Variants in DHDH observed in about 807,000 individuals in gnomAD.
DHDH encodes the protein trans-1,2-dihydrobenzene-1,2-diol dehydrogenase.
In DHDH, 29 loss-of-function variants were observed where a neutral mutation model predicts 33.2. The observed-to-expected ratio is 0.87, with a 90% CI of 0.65 to 1.19. DHDH has a LOEUF of 1.19. DHDH is among the 50% of genes most tolerant of loss of function. The probability of loss-of-function intolerance (pLI) is 0.00; values close to 1 mark genes in which losing one functional copy is unlikely to be tolerated. For synonymous variants in DHDH, 201 were observed against 187.9 expected (o/e 1.07, Z -0.57); for missense variants, 431 against 455.0 (o/e 0.95, Z 0.48).
intron 1 of DHDH, among the ~76,000 whole-genome samples, 165 bp from the exon 2 acceptor site, chr19:48,934,835 C>T (rs2037748941): frequency 6.6e-6 from 1 of 152,104 alleles, no homozygotes; most frequent in Non-Finnish European, 1.5e-5. Flanking sequence ...TAACGGCTTT[C>T]CCCCAGATCT....
At chr19:48,936,876 C>T (rs2037785308) in intron 3 of DHDH, among the ~76,000 whole-genome samples, 1 of 151,420 alleles carries the variant, frequency 6.6e-6, no homozygotes, top group African/African-American at 2.4e-5. Flanking sequence ...CTCCACCTCC[C>T]AGGTTAAAGC....
At chr19:48,936,692 T>G (rs974468783) in intron 3 of DHDH, among the ~76,000 whole-genome samples, 21 of 140,022 alleles carry the variant, frequency 1.5e-4, no homozygotes, top group African/African-American at 5.2e-4. Flanking sequence ...TGAGACTCCG[T>G]CTCAAACAAG....
intron 4 of DHDH, among the ~76,000 whole-genome samples, chr19:48,940,214 G>A (rs933837327): frequency 6.6e-6 from 1 of 151,898 alleles, no homozygotes; most frequent in Non-Finnish European, 1.5e-5. Flanking sequence ...AATTAGCTAG[G>A]CATTGCGGCA....
intron 2 of DHDH, 68 bp from the exon 3 acceptor site, chr19:48,935,964 A>G: frequency 1.1e-5 from 17 of 1,544,946 alleles, no homozygotes; most frequent in South Asian, 3.6e-5. Flanking sequence ...GGGGCCTCGA[A>G]GTTGTGGGCG....
intron 3 of DHDH, among the ~76,000 whole-genome samples, chr19:48,937,935 C>T (rs1270117405): frequency 1.3e-5 from 2 of 152,028 alleles, no homozygotes; most frequent in African/African-American, 4.8e-5. Flanking sequence ...GCTTCCGTCT[C>T]CCCTGGAATG....
chr19:48,944,252 C>T (rs2037907584), intron 5 of DHDH, 105 bp from the exon 6 acceptor site: 16 of 1,490,390 alleles, frequency 1.1e-5, no homozygotes, highest in Non-Finnish European at 2.8e-6. Context: ...TCTTAGCCAC[C>T]AGGTTCAAGA....
intron 4 of DHDH, among the ~76,000 whole-genome samples, chr19:48,940,015 T>A (rs2037835461): frequency 6.6e-6 from 1 of 152,118 alleles, no homozygotes; most frequent in African/African-American, 2.4e-5. Flanking sequence ...AAATATAAAA[T>A]TATTATTTTT....
Position 48,935,037 on chromosome 19 carries a change from A to G in DHDH, c.128A>G (p.Lys43Arg). ...GCGGCCCGCGATCTGAGCCGTGCGA[A>G]GGAGTTTGCACAGAAACACGACATC... ...AVAARDLSRA[K>R]EFAQKHDIPK... Residue 43 changes from lysine (K) to arginine (R), a missense_variant, in exon 2 of 7, where the codon AAG (lysine) becomes AGG (arginine). Lys to Arg is a conservative substitution (Grantham distance 26). Transcript: ENST00000221403. The G allele has an allele frequency of 6.3e-7, 1 of 1,589,504 alleles. No individual in the cohort carries two copies. The highest frequency in any genetic ancestry group is 8.5e-7 in the Non-Finnish European group (1 of 1,169,956).
In DHDH at chr19:48,935,092, G is replaced by A; in HGVS notation, c.183G>A (p.Leu61=). ...AGGCCTACGGCTCCTATGAGGAGCT[G>A]GCCAAGGACCCGAGCGTGGGTGAGT... The part of the protein sequence containing the change: ...IPKAYGSYEE[L]AKDPSVEVAY... The change falls in exon 2 of 7, where the codon CTG becomes CTA. Residue 61 remains leucine (L), a synonymous_variant. Transcript: ENST00000221403. 6.3e-7 allele frequency: 1 copy of A among 1,582,144 alleles called. No individual in the cohort carries two copies.
intron 3 of DHDH, among the ~76,000 whole-genome samples, chr19:48,938,008 G>A (rs948503673): frequency 6.6e-6 from 1 of 152,098 alleles, no homozygotes; most frequent in East Asian, 1.9e-4. Flanking sequence ...TTTTATTTGT[G>A]TCCTTGGTAT....
Position 48,934,981 on chromosome 19 carries a change from G to A in DHDH, c.91-19G>A. 1 of 1,523,844 alleles carries A rather than the reference G, an allele frequency of 6.6e-7. No individual in the cohort carries two copies. The highest frequency in any genetic ancestry group is 8.8e-7 in the Non-Finnish European group (1 of 1,135,814). 94.4% of individuals were successfully genotyped at this position (1,523,844 alleles called of 1,614,324 possible). A position where few individuals can be genotyped will look rare whatever the true frequency, so the allele number is the denominator to read the frequency against. On this transcript the variant is annotated intron_variant, in intron 1 of 6. Transcript: ENST00000221403. Reference sequence around the variant, plus strand: ...ACGCCTGCCTCAGCCCCTCAAATCCGATTCTTGTGCCCCTCCAGGTGGTGG... The same window carrying A: ...ACGCCTGCCTCAGCCCCTCAAATCCAATTCTTGTGCCCCTCCAGGTGGTGG...
In DHDH at chr19:48,938,704, G is replaced by A. The variant is rs576045287; in HGVS notation, c.367-745G>A. Among the ~76,000 whole-genome samples the A allele has an allele frequency of 4.5e-4, 68 of 150,950 alleles. No individual in the cohort carries two copies. In the South Asian group the frequency reaches 0.014, roughly 30 times the overall value. ...CTGTCGCCCAGGCTGGAGTGCAACGGTGCGATCTTCAGCTCACTGCAACCT... is the reference window on the plus strand; with the variant it reads ...CTGTCGCCCAGGCTGGAGTGCAACGATGCGATCTTCAGCTCACTGCAACCT... On this transcript the variant is annotated intron_variant, in intron 3 of 6. Coordinates refer to ENST00000221403, the MANE Select transcript of DHDH (RefSeq NM_014475.4).
rs558728155 is a variant in DHDH, at chr19:48,937,340, T to TC, written c.366+1150dup. On this transcript the variant is annotated intron_variant, in intron 3 of 6. Transcript: ENST00000221403. ...GGCCACATCCGTCCTGCCCCGCCCTTCCCCCGTGAGCCCTGACACTCTTGC... is the reference window on the plus strand; with the variant it reads ...GGCCACATCCGTCCTGCCCCGCCCTTCCCCCCGTGAGCCCTGACACTCTTGC... 1.5e-4 allele frequency among the ~76,000 whole-genome samples: 23 copies of TC among 152,050 alleles called. No individual in the cohort carries two copies. The South Asian group carries it at 2.9e-3, about 19-fold the overall frequency.
At chr19:48,934,891 C>T (rs2037749806) in intron 1 of DHDH, 109 bp from the exon 2 acceptor site, 5 of 794,056 alleles carry the variant, frequency 6.3e-6, no homozygotes, top group East Asian at 3.2e-5. Context: ...TCTCTTCCCC[C>T]AGGACCACGT....
At chr19:48,941,480 C>A (rs1335820348) in intron 4 of DHDH, among the ~76,000 whole-genome samples, 1 of 152,068 alleles carries the variant, frequency 6.6e-6, no homozygotes, top group Non-Finnish European at 1.5e-5. Flanking sequence ...CTCCTAAATT[C>A]AAGCGATTCT....
At position 48,933,926 on chromosome 19, in the gene DHDH, A is replaced by T. The variant is rs868313259; in HGVS notation, c.90+115A>T. On this transcript the variant is annotated intron_variant, in intron 1 of 6. Coordinates refer to ENST00000221403, the MANE Select transcript of DHDH (RefSeq NM_014475.4). ...GTGAGTGGGTCGTCATTGCAGTGAA[A>T]CGTCTGTTTCCTTGCTACCTCCTTC... The T allele has an allele frequency of 5.4e-5, 49 of 912,854 alleles. No individual in the cohort carries two copies. In the Middle Eastern group the frequency reaches 6.3e-4, roughly 12 times the overall value. The allele number at this position is 912,854 out of a possible 1,614,324, so 56.5% of individuals were successfully genotyped here.
chr19:48,937,811 TAAAAA>T (rs539240060), intron 3 of DHDH, among the ~76,000 whole-genome samples: 1 of 127,206 alleles, frequency 7.9e-6, no homozygotes, highest in African/African-American at 2.8e-5. Flanking sequence ...AGACTGTCTT[TAAAAA>T]AAAAAAAAAA....
intron 3 of DHDH, among the ~76,000 whole-genome samples, chr19:48,937,584 G>A (rs971401492): frequency 2.6e-5 from 4 of 151,836 alleles, no homozygotes; most frequent in Non-Finnish European, 4.4e-5. Context: ...AGGCAGAGGC[G>A]GGCGGATCAC....
intron 4 of DHDH, 21 bp downstream of exon 4, chr19:48,939,722 T>G (rs751452154): frequency 5.7e-6 from 9 of 1,567,324 alleles, no homozygotes; most frequent in Middle Eastern, 1.7e-4. Flanking sequence ...TCCTGGAATA[T>G]TTCATGGTGA....
Sources: gnomAD v4.1 joint callset for allele counts (sites outside exome capture counted in the v4.1 genomes callset) on GRCh38, gnomAD v4.1.1 for gene constraint, MANE v1.5 for transcripts, NCBI Gene and HGNC (gene_info 2026-07-23, HGNC 2026-07-21) for gene names.